SLC1A4: variants seen among roughly 807,000 people sequenced by gnomAD.
SLC1A4 encodes neutral amino acid transporter A.
SLC1A4 carries 19 observed loss-of-function variants against 37.7 expected under a neutral mutation model. That is an observed-to-expected ratio of 0.50 (90% CI 0.35 to 0.74). The LOEUF (loss-of-function observed/expected upper bound fraction) is 0.74. Ranked by LOEUF, SLC1A4 falls within the 30% of genes least tolerant of loss-of-function variation. The pLI is 0.01. For synonymous variants in SLC1A4, 299 were observed against 309.8 expected (o/e 0.97, Z 0.37); for missense variants, 570 against 712.9 (o/e 0.80, Z 2.28).
intron 3 of SLC1A4, among the ~76,000 whole-genome samples, chr2:65,009,652 C>T (rs1215274635): frequency 6.6e-6 from 1 of 152,100 alleles, no homozygotes; most frequent in Non-Finnish European, 1.5e-5. Context: ...GGCTAGGGAA[C>T]ACCAACGATT....
Position 64,989,932 on chromosome 2 carries a change from A to G in SLC1A4, c.289A>G (p.Ser97Gly). 6.4e-7 allele frequency: 1 copy of G among 1,566,204 alleles called. No individual in the cohort carries two copies. Among genetic ancestry groups the G allele is most frequent in the Non-Finnish European group, 8.6e-7 (1 of 1,157,118 alleles). Residue 97 changes from serine (S) to glycine (G), a missense_variant, in exon 1 of 8, where the codon AGC becomes GGC. Physicochemically the swap from Ser to Gly is moderately conservative, Grantham distance 56 (BLOSUM62 0). Coordinates refer to ENST00000234256, the MANE Select transcript of SLC1A4 (RefSeq NM_003038.5). ...RMIILPLVVC[S>G]LVSGAASLDA... ...GATCATCCTGCCGCTGGTGGTCTGC[A>G]GCCTGGTGTCGGGCGCCGCCTCGCT...
intron 2 of SLC1A4, 64 bp from the exon 3 acceptor site, chr2:65,003,889 G>C: frequency 8.1e-7 from 1 of 1,234,254 alleles, no homozygotes; most frequent in Non-Finnish European, 1.2e-6. Flanking sequence ...CAGTGCCCTT[G>C]GTTCCTCTAG....
chr2:65,002,647 G>C lies in SLC1A4; in HGVS notation c.570+1157G>C, dbSNP rs534856973. Among the ~76,000 whole-genome samples, 10 of 134,224 alleles carry C rather than the reference G, an allele frequency of 7.5e-5. No individual in the cohort carries two copies. The South Asian group carries it at 2.2e-3, about 29-fold the overall frequency. The allele number at this position is 134,224 out of a possible 152,430, so 88.1% of individuals were successfully genotyped here. ...GGCTGGAGTGCAGTGGCGCGATCTT[G>C]GCTCACTGCCAGCTCCGCCTCCCAG... On this transcript the variant is annotated intron_variant, in intron 2 of 7. Coordinates refer to ENST00000234256, the MANE Select transcript of SLC1A4 (RefSeq NM_003038.5).
chr2:65,018,704 CAA>C lies in SLC1A4; in HGVS notation c.1364+29_1364+30del. On this transcript the variant is annotated intron_variant, in intron 7 of 7. Transcript: ENST00000234256. This position sits in a 1 kb window ranked among gnomAD's most constrained non-coding sequence, Gnocchi z 4.3. ...TGTAAGTAACAAGTCCTGAGAACAC[CAA>C]AAAGAGTCTGCACTGAGTTCCCTAG... 33 of 1,612,360 alleles carry C rather than the reference CAA, an allele frequency of 2.0e-5. No homozygotes were observed. Among genetic ancestry groups the C allele is most frequent in the Non-Finnish European group, 2.8e-5 (33 of 1,179,392 alleles).
chr2:65,020,174 G>T (rs10176896), intron 7 of SLC1A4, among the ~76,000 whole-genome samples: 214 of 152,332 alleles, frequency 1.4e-3, no homozygotes, highest in African/African-American at 3.2e-3. Flanking sequence ...GCGTTGAAAT[G>T]AGAAAAAGAA....
chr2:65,016,937 C>G (rs1416619785), intron 5 of SLC1A4, among the ~76,000 whole-genome samples: 1 of 152,218 alleles, frequency 6.6e-6, no homozygotes, highest in African/African-American at 2.4e-5. Context: ...TGCACAGCCA[C>G]ACCAAGCCTC....
Position 65,016,485 on chromosome 2 carries a change from G to A in SLC1A4, c.846G>A (p.Val282=). The change falls in exon 5 of 8, where the codon GTG becomes GTA. Residue 282 remains valine, a synonymous_variant. Coordinates refer to ENST00000234256, the MANE Select transcript of SLC1A4 (RefSeq NM_003038.5). The part of the protein sequence containing the change: ...GIMFLVGSKI[V]EMKDIIVLVT... The stretch of plus-strand genomic sequence containing the variant: ...TGTTCCTTGTTGGAAGCAAGATCGT[G>A]GAAATGAAAGACATCATCGTGCTGG... 6.2e-7 allele frequency: 1 copy of A among 1,614,180 alleles called. No homozygotes were observed. Among genetic ancestry groups the A allele is most frequent in the Non-Finnish European group, 8.5e-7 (1 of 1,180,024 alleles).
chr2:64,996,870 C>T (rs969590757), intron 1 of SLC1A4, among the ~76,000 whole-genome samples: 1 of 152,154 alleles, frequency 6.6e-6, no homozygotes, highest in African/African-American at 2.4e-5. Flanking sequence ...ACTGTGTGAA[C>T]ATGAGGAGTT....
intron 7 of SLC1A4, among the ~76,000 whole-genome samples, chr2:65,019,439 A>G (rs977173151): frequency 6.6e-6 from 1 of 152,136 alleles, no homozygotes; most frequent in Non-Finnish European, 1.5e-5. Context: ...GGGAATGATC[A>G]TAGCACCCAC....
rs1558532472 is a variant in SLC1A4 at position 65,023,067 on chromosome 2, T to TAA, written c.*1923_*1924dup. ...GCCAGGGGGAAAGCCCAGCTCTCTT[T>TAA]AAACCAGCTAAGCCATTCCAGTCTC... is the stretch of plus-strand genomic sequence containing the variant. On this transcript the variant is annotated 3_prime_UTR_variant, in exon 8 of 8. Coordinates refer to ENST00000234256, the MANE Select transcript of SLC1A4 (RefSeq NM_003038.5). The TAA allele has an allele frequency of 6.6e-6, 1 of 152,202 alleles. No homozygotes were observed. Among genetic ancestry groups the TAA allele is most frequent in the Admixed American group, 6.5e-5 (1 of 15,278 alleles). 9.4% of individuals were successfully genotyped at this position (152,202 alleles called of 1,614,324 possible). A position where few individuals can be genotyped will look rare whatever the true frequency, so the allele number is the denominator to read the frequency against.
chr2:64,997,024 G>A (rs943299435), intron 1 of SLC1A4, among the ~76,000 whole-genome samples: 2 of 152,170 alleles, frequency 1.3e-5, no homozygotes, highest in African/African-American at 2.4e-5. Context: ...GAGAGGGAAA[G>A]TAGAGGACAG....
chr2:65,019,098 G>A (rs1674305713), intron 7 of SLC1A4, among the ~76,000 whole-genome samples: 1 of 152,188 alleles, frequency 6.6e-6, no homozygotes, highest in African/African-American at 2.4e-5. Flanking sequence ...GAGGGAGGAT[G>A]AACCATGCTG....
chr2:65,014,483 G>A (rs1674046986), intron 4 of SLC1A4, among the ~76,000 whole-genome samples: 1 of 152,132 alleles, frequency 6.6e-6, no homozygotes, highest in African/African-American at 2.4e-5. Context: ...CTTTGTGGGA[G>A]GCTGTCTCAT....
chr2:64,999,261 G>C (rs1418292138), intron 1 of SLC1A4, among the ~76,000 whole-genome samples: 4 of 152,170 alleles, frequency 2.6e-5, no homozygotes, highest in Non-Finnish European at 2.9e-5. Context: ...TTCAGCTAAA[G>C]ATTAATTTTT....
In SLC1A4 at chr2:65,022,707, C is replaced by T. The variant is rs970603766; in HGVS notation, c.*1561C>T. 2 of 152,208 alleles carry T rather than the reference C, an allele frequency of 1.3e-5. No homozygotes were observed. The highest frequency in any genetic ancestry group is 2.9e-5 in the Non-Finnish European group (2 of 68,066). The allele number at this position is 152,208 out of a possible 1,614,324, so 9.4% of individuals were successfully genotyped here. A position where few individuals can be genotyped will look rare whatever the true frequency, so the allele number is the denominator to read the frequency against. On this transcript the variant is annotated 3_prime_UTR_variant, in exon 8 of 8. Coordinates refer to ENST00000234256, the MANE Select transcript of SLC1A4 (RefSeq NM_003038.5). ...TCAAATGCCGCCTCTTCCTAATGTC[C>T]TTCAAGTTTTCATGAACTAGCAACC... is the stretch of plus-strand genomic sequence containing the variant.
intron 1 of SLC1A4, chr2:64,994,905 G>C (rs916414518): frequency 6.6e-6 from 1 of 152,164 alleles, no homozygotes; most frequent in African/African-American, 2.4e-5. Flanking sequence ...TGGCAAAGTT[G>C]AGGAGTGAGT....
chr2:64,990,015 C>A lies in SLC1A4; in HGVS notation c.372C>A (p.Thr124=). The change falls in exon 1 of 8, where the codon ACC becomes ACA. Residue 124 remains threonine (T), a synonymous_variant. Coordinates refer to ENST00000234256, the MANE Select transcript of SLC1A4 (RefSeq NM_003038.5). ...GGIAVAYFGL[T]TLSASALAVA... ...TCGCTGTCGCCTACTTTGGCCTCAC[C>A]ACACTGAGTGCCTCGGCGCTCGCCG... 6.2e-7 allele frequency: 1 copy of A among 1,601,586 alleles called. No individual in the cohort carries two copies. Among genetic ancestry groups the A allele is most frequent in the Non-Finnish European group, 8.5e-7 (1 of 1,174,210 alleles).
At chr2:64,994,013 T>C (rs1037311576) in intron 1 of SLC1A4, among the ~76,000 whole-genome samples, 13 of 152,202 alleles carry the variant, frequency 8.5e-5, no homozygotes, top group African/African-American at 3.1e-4. Flanking sequence ...GAGGAATGTT[T>C]AGGGGAACTC....
At chr2:64,991,957 G>T (rs567306459) in intron 1 of SLC1A4, among the ~76,000 whole-genome samples, 23 of 152,266 alleles carry the variant, frequency 1.5e-4, no homozygotes, top group African/African-American at 5.5e-4. Context: ...TGCCCAGGCT[G>T]GTCTAGATCA....
Sources: allele counts gnomAD v4.1 joint callset (sites outside exome capture counted in the v4.1 genomes callset), GRCh38; gene constraint gnomAD v4.1.1; non-coding constraint Gnocchi (gnomAD v3.1); transcripts MANE v1.5; gene names NCBI Gene and HGNC (gene_info 2026-07-23, HGNC 2026-07-21).